Variants in HECTD4 observed in about 807,000 individuals in gnomAD.
HECTD4 encodes the protein HECT domain E3 ubiquitin protein ligase 4, also known as probable E3 ubiquitin-protein ligase HECTD4.
HECTD4 carries 114 observed loss-of-function variants against 471.5 expected under a neutral mutation model. That is an observed-to-expected ratio of 0.24 (90% CI 0.21 to 0.28). The LOEUF (loss-of-function observed/expected upper bound fraction) is 0.28. Ranked by LOEUF, HECTD4 falls within the 10% of genes least tolerant of loss-of-function variation. The pLI is 1.00. For synonymous variants in HECTD4, 2,012 were observed against 2,256.0 expected, an observed-to-expected ratio of 0.89 and a Z score of 3.07; for missense variants, 3,866 against 5,651.5, an observed-to-expected ratio of 0.68 and a Z score of 10.13.
rs74782178 is a variant in HECTD4 at position 112,206,952 on chromosome 12, G to A, written c.8131+922C>T. 5.4e-3 allele frequency among the ~76,000 whole-genome samples: 829 copies of A among 152,204 alleles called. 22 individuals carry two copies. The highest frequency in any genetic ancestry group is 0.032 in the Admixed American group (482 of 15,262). ...CAATTTTCTGAGCAGAGTTTAAAAGGGTGCTGTGATTAGAGACAGACGCTT... is the reference window on the plus strand; with the variant it reads ...CAATTTTCTGAGCAGAGTTTAAAAGAGTGCTGTGATTAGAGACAGACGCTT... On this transcript the variant is annotated intron_variant, in intron 52 of 75. Coordinates refer to ENST00000682272, the MANE Select transcript of HECTD4 (RefSeq NM_001388303.1).
At chr12:112,229,432 A>G (rs1256199478) in intron 41 of HECTD4, among the ~76,000 whole-genome samples, 1 of 152,202 alleles carries the variant, frequency 6.6e-6, no homozygotes, top group Non-Finnish European at 1.5e-5. Context: ...TTCTAATTCC[A>G]TCATCAATTC....
At chr12:112,178,720 T>G (rs897420140) in intron 64 of HECTD4, among the ~76,000 whole-genome samples, 1 of 152,222 alleles carries the variant, frequency 6.6e-6, no homozygotes, top group South Asian at 2.1e-4. Context: ...TAGTCCCAGA[T>G]ACTCAGGAGG....
Position 112,311,097 on chromosome 12 carries a change from A to T in HECTD4, c.917-1428T>A, listed in dbSNP as rs571879267. ...GCCAACATGGTGAAACCCCATCTCTACTAAAAATACAAAAATTAGCCGGGC... is the reference window on the plus strand; with the variant it reads ...GCCAACATGGTGAAACCCCATCTCTTCTAAAAATACAAAAATTAGCCGGGC... On this transcript the variant is annotated intron_variant, in intron 4 of 75. Coordinates refer to ENST00000682272, the MANE Select transcript of HECTD4 (RefSeq NM_001388303.1). Among the ~76,000 whole-genome samples the T allele has an allele frequency of 4.6e-5, 7 of 152,152 alleles. No individual in the cohort carries two copies. In the South Asian group the frequency reaches 1.0e-3, roughly 23 times the overall value.
chr12:112,206,353 G>T (rs1415930784), intron 52 of HECTD4, among the ~76,000 whole-genome samples: 1 of 152,056 alleles, frequency 6.6e-6, no homozygotes, highest in Non-Finnish European at 1.5e-5. Flanking sequence ...AAATTAGCCA[G>T]GCTTGGTAGT....
In HECTD4 at chr12:112,179,432, G is replaced by T. The variant is rs565221549; in HGVS notation, c.10988-35C>A. On this transcript the variant is annotated intron_variant, in intron 62 of 75. Transcript: ENST00000682272. The surrounding 1 kb of genome is among the most constrained non-coding windows in gnomAD (Gnocchi z 4.3). ...GGAGAGGGGGCAAAACAATTCTGCC[G>T]TGAACATGCATCGGGACAAGCCCTG... 5.2e-6 allele frequency: 8 copies of T among 1,545,088 alleles called. No homozygotes were observed. The highest frequency in any genetic ancestry group is 2.7e-5 in the African/African-American group (2 of 73,594).
chr12:112,231,460 T>C, intron 39 of HECTD4, 53 bp downstream of exon 39: 1 of 1,548,074 alleles, frequency 6.5e-7, no homozygotes, highest in Non-Finnish European at 8.9e-7. Flanking sequence ...ACAAACCCAT[T>C]ATAAAGTAAA....
At position 112,230,669 on chromosome 12, in the gene HECTD4, T is replaced by C; in HGVS notation, c.6336+18A>G. The C allele has an allele frequency of 6.3e-7, 1 of 1,598,326 alleles. No individual in the cohort carries two copies. The highest frequency in any genetic ancestry group is 8.5e-7 in the Non-Finnish European group (1 of 1,171,128). ...CTTACTTCTTATTTTCTCAGTTGAG[T>C]AGCAACACTGCGCTAACCTTCTCTG... is the stretch of plus-strand genomic sequence containing the variant. On this transcript the variant is annotated intron_variant, in intron 40 of 75. Transcript: ENST00000682272.
At chr12:112,237,640 T>C (rs1001888703) in intron 34 of HECTD4, among the ~76,000 whole-genome samples, 14 of 152,172 alleles carry the variant, frequency 9.2e-5, no homozygotes, top group African/African-American at 3.1e-4. Flanking sequence ...CTTTGCTGGA[T>C]CCCTAGCACA....
At chr12:112,210,658 ATT>A (rs2032736289) in intron 49 of HECTD4, among the ~76,000 whole-genome samples, 1 of 152,214 alleles carries the variant, frequency 6.6e-6, no homozygotes, top group East Asian at 1.9e-4. Context: ...ACTTCTTCAG[ATT>A]AAGAGATACA....
intron 1 of HECTD4, among the ~76,000 whole-genome samples, chr12:112,323,361 CTATAAG>C (rs1391383624): frequency 2.0e-5 from 3 of 151,924 alleles, no homozygotes; most frequent in Admixed American, 6.6e-5. Context: ...AAAAAATTAA[CTATAAG>C]TATCTCAGTT....
intron 17 of HECTD4, among the ~76,000 whole-genome samples, chr12:112,263,217 T>C (rs1198337604): frequency 6.6e-6 from 1 of 152,234 alleles, no homozygotes; most frequent in Non-Finnish European, 1.5e-5. Context: ...AAATGGATTA[T>C]ACAATGAGGT....
In HECTD4 at chr12:112,173,703, T is replaced by A. The variant is rs933314656; in HGVS notation, c.11595-842A>T. Reference sequence around the variant, plus strand: ...GCCAATGCGCCCGGCCAATTTTTAATTTTTTTTTGTAGAGATGGGGTCTCG... The same window carrying A: ...GCCAATGCGCCCGGCCAATTTTTAAATTTTTTTTGTAGAGATGGGGTCTCG... On this transcript the variant is annotated intron_variant, in intron 66 of 75. Transcript: ENST00000682272. The surrounding 1 kb of genome is among the most constrained non-coding windows in gnomAD (Gnocchi z 4.3). Among the ~76,000 whole-genome samples, 16 of 147,012 alleles carry A rather than the reference T, an allele frequency of 1.1e-4. No individual in the cohort carries two copies. Among genetic ancestry groups the A allele is most frequent in the Non-Finnish European group, 1.6e-4 (11 of 67,714 alleles).
At chr12:112,368,371 A>AT (rs1191273438) in intron 1 of HECTD4, among the ~76,000 whole-genome samples, 1 of 152,228 alleles carries the variant, frequency 6.6e-6, no homozygotes, top group Non-Finnish European at 1.5e-5. Flanking sequence ...TAACAGTAAT[A>AT]AGTCACAGAA....
intron 26 of HECTD4, 55 bp downstream of exon 26, chr12:112,248,265 A>G: frequency 1.3e-6 from 2 of 1,525,422 alleles, no homozygotes; most frequent in Non-Finnish European, 1.8e-6. Context: ...TCACATTCTA[A>G]ATTTCTTTAA....
intron 60 of HECTD4, among the ~76,000 whole-genome samples, chr12:112,186,626 A>G (rs1411026043): frequency 1.3e-5 from 2 of 149,268 alleles, no homozygotes; most frequent in Admixed American, 6.7e-5. Context: ...GGCATGAGCC[A>G]CTGTGCCCGA....
chr12:112,252,655 G>T, intron 22 of HECTD4, 127 bp from the exon 23 acceptor site: 1 of 1,112,538 alleles, frequency 9.0e-7, no homozygotes, highest in Non-Finnish European at 1.3e-6. Flanking sequence ...TTTCTCATTT[G>T]CTTTTTGATT....
intron 1 of HECTD4, among the ~76,000 whole-genome samples, chr12:112,343,351 G>C (rs1566118523): frequency 6.6e-6 from 1 of 152,162 alleles, no homozygotes; most frequent in Non-Finnish European, 1.5e-5. Flanking sequence ...TTAAACAGCA[G>C]GTTCCAAATG....
chr12:112,352,626 A>G (rs995025329), intron 1 of HECTD4, among the ~76,000 whole-genome samples: 2 of 148,900 alleles, frequency 1.3e-5, no homozygotes, highest in African/African-American at 5.0e-5. Flanking sequence ...TTCTTTTTTG[A>G]GACAAGGTCT....
intron 72 of HECTD4, among the ~76,000 whole-genome samples, chr12:112,165,642 C>T (rs759142733): frequency 3.9e-5 from 6 of 152,182 alleles, no homozygotes; most frequent in Non-Finnish European, 7.3e-5. Context: ...TGAGCCACCG[C>T]GCCCGGCCTA....
Sources: allele counts gnomAD v4.1 joint callset (sites outside exome capture counted in the v4.1 genomes callset), GRCh38; gene constraint gnomAD v4.1.1; non-coding constraint Gnocchi (gnomAD v3.1); transcripts MANE v1.5; gene names NCBI Gene and HGNC (gene_info 2026-07-23, HGNC 2026-07-21).